Variants in POLRMT observed in about 807,000 individuals in gnomAD.
POLRMT encodes RNA polymerase mitochondrial.
In POLRMT, 114 loss-of-function variants were observed where a neutral mutation model predicts 132.2. The observed-to-expected ratio is 0.86, with a 90% CI of 0.74 to 1.01. The LOEUF is 1.01. Ranked by LOEUF, POLRMT falls within the 50% of genes least tolerant of loss-of-function variation. The pLI, the probability that POLRMT is intolerant of heterozygous loss-of-function variation, is 0.00. For missense variants in POLRMT, 2,003 were observed against 1,729.1 expected (o/e 1.16, Z -2.81); for synonymous variants, 1,020 against 773.4 (o/e 1.32, Z -5.29).
rs760945130 is a variant in POLRMT, at chr19:622,829, G to A, written c.1447C>T (p.Leu483Phe). The A allele has an allele frequency of 3.8e-6, 6 of 1,594,754 alleles. No individual in the cohort carries two copies. The highest frequency in any genetic ancestry group is 1.1e-5 in the South Asian group (1 of 88,702). ...LLDEREVVRM[L>F]LQVLQALPAQ... ...CGCGGAGGAAGACGCACCTGCAGGA[G>A]CATCCGCACCACCTCGCGCTCGTCC... is the stretch of plus-strand genomic sequence containing the variant. The change falls in exon 7 of 21, where the codon CTC (leucine) becomes TTC (phenylalanine). Residue 483 changes from leucine (L) to phenylalanine (F), a missense_variant. Coordinates refer to ENST00000588649, the MANE Select transcript of POLRMT (RefSeq NM_005035.4).
Position 620,981 on chromosome 19 carries a change from CGGGGGAGGGCGCG to C in POLRMT, c.2640+64_2640+76del, listed in dbSNP as rs1324347014. On this transcript the variant is annotated intron_variant, in intron 10 of 20. Coordinates refer to ENST00000588649, the MANE Select transcript of POLRMT (RefSeq NM_005035.4). ...AGACGGGCAGGGGGCGCGGGGGCGCCGGGGGAGGGCGCGGGGGCGCCGGGGGAGGGCGCGGGGG... is the reference window on the plus strand; with the variant it reads ...AGACGGGCAGGGGGCGCGGGGGCGCCGGGGCGCCGGGGGAGGGCGCGGGGG... 107 of 753,546 alleles carry C rather than the reference CGGGGGAGGGCGCG, an allele frequency of 1.4e-4. 2 individuals carry two copies. Among genetic ancestry groups the C allele is most frequent in the Non-Finnish European group, 1.7e-4 (100 of 596,112 alleles). The allele number at this position is 753,546 out of a possible 1,614,324, so 46.7% of individuals were successfully genotyped here.
intron 6 of POLRMT, among the ~76,000 whole-genome samples, 196 bp from the exon 7 acceptor site, chr19:623,181 G>C (rs1479634043): frequency 1.3e-5 from 2 of 152,238 alleles, no homozygotes; most frequent in Non-Finnish European, 2.9e-5. Flanking sequence ...CAAAAGCCCA[G>C]CTGCAGTGTG....
In POLRMT at chr19:617,674, A is replaced by AT. The variant is rs1984101234; in HGVS notation, c.3496-20dup. 5.6e-6 allele frequency: 9 copies of AT among 1,612,480 alleles called. No individual in the cohort carries two copies. The highest frequency in any genetic ancestry group is 1.3e-5 in the African/African-American group (1 of 74,980). On this transcript the variant is annotated intron_variant, in intron 18 of 20. Transcript: ENST00000588649. ...GGCACACCTGGGCAGGAGTCAGAGGATCCCCAGGGGTGATCAGGCAGGCTC... is the reference window on the plus strand; with the variant it reads ...GGCACACCTGGGCAGGAGTCAGAGGATTCCCCAGGGGTGATCAGGCAGGCTC...
rs575763885 is a variant in POLRMT at position 618,256 on chromosome 19, G to C, written c.3422+232C>G. On this transcript the variant is annotated intron_variant, in intron 17 of 20. Transcript: ENST00000588649. Reference sequence around the variant, plus strand: ...GGTGCCAAGAAATGCCCAGCAGGAAGGGGCAGCGCCCATGCTCGGCTCTCC... The same window carrying C: ...GGTGCCAAGAAATGCCCAGCAGGAACGGGCAGCGCCCATGCTCGGCTCTCC... 5 of 562,830 alleles carry C rather than the reference G, an allele frequency of 8.9e-6. No homozygotes were observed. The East Asian group carries it at 1.4e-4, about 16-fold the overall frequency. 34.9% of individuals were successfully genotyped at this position (562,830 alleles called of 1,614,324 possible).
rs748090262 is a variant in POLRMT, at chr19:625,181, T to C, written c.896A>G (p.Tyr299Cys). The C allele has an allele frequency of 5.1e-5, 82 of 1,613,800 alleles. No homozygotes were observed. Among genetic ancestry groups the C allele is most frequent in the Middle Eastern group, 1.6e-4 (1 of 6,084 alleles). ...CCCCATGCACTGGAGGGCAGCCGCA[T>C]AGGACAGCAGGTCCGGAGTCAAGCC... is the stretch of plus-strand genomic sequence containing the variant. ...DAGLTPDLLS[Y>C]AAALQCMGRQ... The change falls in exon 4 of 21, where the codon TAT becomes TGT. Residue 299 changes from tyrosine to cysteine, a missense_variant. Transcript: ENST00000588649.
At chr19:618,796 G>A (rs762353833) in intron 15 of POLRMT, 36 bp from the exon 16 acceptor site, 19 of 1,562,538 alleles carry the variant, frequency 1.2e-5, no homozygotes, top group Non-Finnish European at 1.2e-5. Flanking sequence ...TCCCACCCGA[G>A]GCCCAGCACG....
Position 622,774 on chromosome 19 carries a change from G to A in POLRMT, c.1456-22C>T, listed in dbSNP as rs746668352. On this transcript the variant is annotated intron_variant, in intron 7 of 20. Transcript: ENST00000588649. ...GGACCTGCGGAAGGCAGCCGTGAGT[G>A]CCTGCCCGCCCCGCCCGGGGACCCG... 5.1e-6 allele frequency: 8 copies of A among 1,564,232 alleles called. No homozygotes were observed. In the African/African-American group the frequency reaches 5.4e-5, roughly 11 times the overall value.
At chr19:621,942 A>G in intron 9 of POLRMT, 96 bp from the exon 10 acceptor site, 2 of 1,422,860 alleles carry the variant, frequency 1.4e-6, no homozygotes, top group Non-Finnish European at 9.4e-7. Flanking sequence ...CTCCCCGGCC[A>G]ACAAGAAACC....
chr19:630,409 C>A (rs891504269), intron 2 of POLRMT, among the ~76,000 whole-genome samples: 6 of 152,212 alleles, frequency 3.9e-5, no homozygotes, highest in Admixed American at 2.0e-4. Context: ...CCCTAACAAG[C>A]TGCCACCGAA....
At position 623,613 on chromosome 19, in the gene POLRMT, T is replaced by C. The variant is rs1984804910; in HGVS notation, c.1141-10A>G. The C allele has an allele frequency of 6.2e-7, 1 of 1,612,790 alleles. No homozygotes were observed. Among genetic ancestry groups the C allele is most frequent in the Non-Finnish European group, 8.5e-7 (1 of 1,179,466 alleles). On this transcript the variant is annotated splice_polypyrimidine_tract_variant and intron_variant, in intron 5 of 20. Coordinates refer to ENST00000588649, the MANE Select transcript of POLRMT (RefSeq NM_005035.4). ...AGGACACACGCCCATCCTGCAGGGA[T>C]GGGGGTAGTGAGGTTGGGGGCTTGC...
chr19:629,294 C>T (rs758790636), intron 3 of POLRMT, among the ~76,000 whole-genome samples: 1 of 152,138 alleles, frequency 6.6e-6, no homozygotes, highest in Non-Finnish European at 1.5e-5. Flanking sequence ...CAGACAGATT[C>T]ACGAGCCCCG....
At chr19:628,405 C>T (rs113443947) in intron 3 of POLRMT, among the ~76,000 whole-genome samples, 83 of 152,308 alleles carry the variant, frequency 5.4e-4, no homozygotes, top group African/African-American at 1.5e-3. Context: ...GGCAGCACGC[C>T]GCCTCCACCT....
intron 2 of POLRMT, among the ~76,000 whole-genome samples, chr19:631,226 G>C (rs1256933150): frequency 6.6e-6 from 1 of 151,880 alleles, no homozygotes; most frequent in African/African-American, 2.4e-5. Context: ...TACTCCGGTG[G>C]CTGAGGTGAA....
At chr19:620,875 GGGGACGTGGGGGCGCC>G (rs1984485864) in intron 10 of POLRMT, among the ~76,000 whole-genome samples, 167 bp downstream of exon 10, 1 of 79,882 alleles carries the variant, frequency 1.3e-5, no homozygotes, top group Admixed American at 1.1e-4. Context: ...AGAGCGGGCG[GGGGACGTGGGGGCGCC>G]AGGGGAGGGG....
At chr19:621,976 G>A (rs1600571338) in intron 9 of POLRMT, 130 bp from the exon 10 acceptor site, 2 of 1,256,396 alleles carry the variant, frequency 1.6e-6, no homozygotes, top group East Asian at 2.5e-5. Flanking sequence ...ACGAACAGAA[G>A]CCACCTCCAG....
In POLRMT at chr19:617,319, G is replaced by A. The variant is rs777730941; in HGVS notation, c.3648C>T (p.Ala1216=). 2.5e-6 allele frequency: 4 copies of A among 1,612,938 alleles called. No individual in the cohort carries two copies. The South Asian group carries it at 3.3e-5, about 13-fold the overall frequency. ...AACGCTTCACCTGCTCCAGGTCGAA[G>A]GCCCCTGCGGAGGAAGCAGAGCGGA... ...ETLQAVPKPG[A]FDLEQVKRST... Residue 1216 remains alanine (A), a synonymous_variant, in exon 21 of 21, where the codon GCC becomes GCT. Coordinates refer to ENST00000588649, the MANE Select transcript of POLRMT (RefSeq NM_005035.4).
Position 618,606 on chromosome 19 carries a change from C to G in POLRMT, c.3324-20G>C, listed in dbSNP as rs762777646. ...GGCTTTCTGAGGACGGAACAGGTGC[C>G]GGTGGGGGCGGCCCAGGGACACCCC... On this transcript the variant is annotated intron_variant, in intron 16 of 20. Transcript: ENST00000588649. 1.9e-6 allele frequency: 3 copies of G among 1,603,402 alleles called. No homozygotes were observed. In the South Asian group the frequency reaches 3.3e-5, roughly 18 times the overall value.
chr19:618,802 G>A (rs779872652), intron 15 of POLRMT, 42 bp from the exon 16 acceptor site: 37 of 1,554,868 alleles, frequency 2.4e-5, no homozygotes, highest in Non-Finnish European at 2.9e-5. Context: ...CCGAGGCCCA[G>A]CACGGTGGTG....
chr19:617,988 G>A lies in POLRMT; in HGVS notation c.3423-139C>T, dbSNP rs56263332. ...TCCTGCAGGCCTCGCCCCACCCCTC[G>A]CCCCGCCCCTCCCCAAACATCCTGG... On this transcript the variant is annotated intron_variant, in intron 17 of 20. Transcript: ENST00000588649. The A allele has an allele frequency of 7.0e-4, 429 of 615,476 alleles. 1 individual carries two copies. The African/African-American group carries it at 0.01, about 15-fold the overall frequency. The allele number at this position is 615,476 out of a possible 1,614,324, so 38.1% of individuals were successfully genotyped here.
Sources: gnomAD v4.1 joint callset for allele counts (sites outside exome capture counted in the v4.1 genomes callset) on GRCh38, gnomAD v4.1.1 for gene constraint, MANE v1.5 for transcripts, NCBI Gene and HGNC (gene_info 2026-07-23, HGNC 2026-07-21) for gene names.